Variants in FRMD5 observed in about 807,000 individuals in gnomAD.
FRMD5 encodes FERM domain-containing protein 5.
A neutral mutation model predicts 69.0 loss-of-function variants in FRMD5; 20 were observed. The ratio of observed to expected loss-of-function variants is 0.29; its 90% CI spans 0.20 to 0.42. The LOEUF is 0.42. FRMD5 is among the 10% of genes least tolerant of loss of function. FRMD5 has a pLI of 1.00. For synonymous variants in FRMD5, 271 were observed against 260.1 expected (o/e 1.04, Z -0.40); for missense variants, 595 against 708.6 (o/e 0.84, Z 1.82).
intron 13 of FRMD5, chr15:43,876,260 T>TTGAACTC: frequency 3.3e-6 from 5 of 1,522,260 alleles, no homozygotes; most frequent in Non-Finnish European, 4.5e-6. Context: ...AAGCTTGTTG[T>TTGAACTC]TGAACTCTGA....
chr15:44,052,093 A>G (rs1892693895), intron 1 of FRMD5, among the ~76,000 whole-genome samples: 1 of 152,112 alleles, frequency 6.6e-6, no homozygotes, highest in Admixed American at 6.5e-5. Flanking sequence ...AAGTAGTTAC[A>G]TATATTATTT....
intron 1 of FRMD5, among the ~76,000 whole-genome samples, chr15:44,001,178 A>G (rs886867897): frequency 6.6e-6 from 1 of 152,176 alleles, no homozygotes; most frequent in Non-Finnish European, 1.5e-5. Context: ...ACCTTTTCAT[A>G]TACTTGTTGA....
At chr15:44,003,464 A>T (rs1180969951) in intron 1 of FRMD5, among the ~76,000 whole-genome samples, 2 of 151,954 alleles carry the variant, frequency 1.3e-5, no homozygotes, top group East Asian at 3.9e-4. Context: ...TCCCTATTTC[A>T]CTCAAGAGTA....
chr15:43,976,456 A>AT (rs1411881929), intron 1 of FRMD5, among the ~76,000 whole-genome samples: 1 of 152,182 alleles, frequency 6.6e-6, no homozygotes, highest in Admixed American at 6.5e-5. Context: ...AAGCAACGCA[A>AT]TTTTTTTAAA....
At chr15:43,914,287 C>T (rs1354096198) in intron 4 of FRMD5, among the ~76,000 whole-genome samples, 4 of 152,096 alleles carry the variant, frequency 2.6e-5, no homozygotes, top group Admixed American at 1.3e-4. Context: ...TTGGCCTTAC[C>T]TTCCCTTCAA....
intron 1 of FRMD5, among the ~76,000 whole-genome samples, chr15:44,185,461 C>A (rs1385840593): frequency 6.6e-6 from 1 of 152,158 alleles, no homozygotes; most frequent in African/African-American, 2.4e-5. Flanking sequence ...GACCTACAAA[C>A]CTCCAATTCC....
chr15:44,082,835 C>T (rs1894050542), intron 1 of FRMD5, among the ~76,000 whole-genome samples: 1 of 151,994 alleles, frequency 6.6e-6, no homozygotes, highest in Non-Finnish European at 1.5e-5. Context: ...AGGATAGCTT[C>T]TCCTTGGAAC....
At chr15:43,985,644 G>A (rs1889359767) in intron 1 of FRMD5, among the ~76,000 whole-genome samples, 1 of 152,120 alleles carries the variant, frequency 6.6e-6, no homozygotes, top group South Asian at 2.1e-4. Context: ...GAGCTGGCTG[G>A]GTGAACCTGT....
At chr15:44,178,791 G>C (rs956615908) in intron 1 of FRMD5, among the ~76,000 whole-genome samples, 4 of 152,110 alleles carry the variant, frequency 2.6e-5, no homozygotes, top group African/African-American at 9.7e-5. Flanking sequence ...CCAGGAGTTC[G>C]AGACCAGCCT....
chr15:43,893,070 C>T (rs2088829930), intron 7 of FRMD5, among the ~76,000 whole-genome samples: 1 of 151,322 alleles, frequency 6.6e-6, no homozygotes, highest in Non-Finnish European at 1.5e-5. Flanking sequence ...TACCACCACA[C>T]TCCAGCCTGG....
intron 1 of FRMD5, among the ~76,000 whole-genome samples, chr15:43,992,917 A>G (rs1296779385): frequency 6.6e-6 from 1 of 152,092 alleles, no homozygotes; most frequent in East Asian, 1.9e-4. Context: ...CTCACCCCTT[A>G]GCACTGCTTT....
At chr15:44,090,913 G>C (rs2076463237) in intron 1 of FRMD5, among the ~76,000 whole-genome samples, 1 of 152,046 alleles carries the variant, frequency 6.6e-6, no homozygotes, top group Non-Finnish European at 1.5e-5. Flanking sequence ...ACTAAAGCCT[G>C]CAAATACCCA....
intron 1 of FRMD5, among the ~76,000 whole-genome samples, chr15:43,942,830 G>A (rs1490577925): frequency 6.6e-6 from 1 of 152,160 alleles, no homozygotes; most frequent in African/African-American, 2.4e-5. Context: ...TACCACCTTG[G>A]CTCACTGCAA....
At chr15:44,132,125 G>A (rs1377050464) in intron 1 of FRMD5, among the ~76,000 whole-genome samples, 2 of 152,140 alleles carry the variant, frequency 1.3e-5, no homozygotes, top group Non-Finnish European at 2.9e-5. Flanking sequence ...CCTTGCATGG[G>A]CAGTTCACAA....
At chr15:44,063,518 A>G in intron 1 of FRMD5, 1 of 443,812 alleles carries the variant, frequency 2.3e-6, no homozygotes, top group Non-Finnish European at 4.4e-6. Flanking sequence ...ACCATGGTGA[A>G]GGTGAAGGCC....
chr15:44,165,824 C>G (rs2140513010), intron 1 of FRMD5, among the ~76,000 whole-genome samples: 1 of 152,094 alleles, frequency 6.6e-6, no homozygotes, highest in South Asian at 2.1e-4. Flanking sequence ...GAGTGAGACC[C>G]TGCCTCAAAA....
chr15:44,029,380 T>A (rs1891581272), intron 1 of FRMD5, among the ~76,000 whole-genome samples: 1 of 151,340 alleles, frequency 6.6e-6, no homozygotes, highest in Non-Finnish European at 1.5e-5. Flanking sequence ...GCAGTCACAA[T>A]AAGAAAGCAG....
In FRMD5 at chr15:43,885,719, G is replaced by A. The variant is rs1170747175; in HGVS notation, c.921C>T (p.Ser307=). 6.2e-7 allele frequency: 1 copy of A among 1,614,058 alleles called. No individual in the cohort carries two copies. Among genetic ancestry groups the A allele is most frequent in the Admixed American group, 1.7e-5 (1 of 60,012 alleles). The stretch of plus-strand genomic sequence containing the variant: ...GGCTCCCTTTAAAGAATAAATTGCT[G>A]CTGGACACTGTGCGGACTTGGCTTG... The part of the protein sequence containing the change: ...EKSSQVRTVS[S]SNLFFKGSRF... Residue 307 remains serine, a synonymous_variant, in exon 11 of 14, where the codon AGC becomes AGT. Coordinates refer to ENST00000417257, the MANE Select transcript of FRMD5 (RefSeq NM_032892.5).
intron 1 of FRMD5, among the ~76,000 whole-genome samples, chr15:44,070,369 T>C (rs1286623783): frequency 6.7e-6 from 1 of 149,926 alleles, no homozygotes; most frequent in Non-Finnish European, 1.5e-5. Context: ...GGCCCTCTCA[T>C]TGAGAGTCTG....
Sources: gnomAD v4.1 joint callset for allele counts (sites outside exome capture counted in the v4.1 genomes callset) on GRCh38, gnomAD v4.1.1 for gene constraint, MANE v1.5 for transcripts, NCBI Gene and HGNC (gene_info 2026-07-23, HGNC 2026-07-21) for gene names.